The following RNF167 variants were observed in gnomAD, a reference collection of about 807,000 sequenced individuals.
RNF167 encodes the protein E3 ubiquitin-protein ligase RNF167.
In RNF167, 19 loss-of-function variants were observed where a neutral mutation model predicts 34.8. The observed-to-expected ratio is 0.55, with a 90% CI of 0.38 to 0.80. RNF167 has a LOEUF of 0.80. Ranked by LOEUF, RNF167 falls within the 30% of genes least tolerant of loss-of-function variation. RNF167 has a pLI of 0.00. For synonymous variants in RNF167, 200 were observed against 170.4 expected, an observed-to-expected ratio of 1.17 and a Z score of -1.35; for missense variants, 464 against 447.0, an observed-to-expected ratio of 1.04 and a Z score of -0.34.
Position 4,942,395 on chromosome 17 carries a change from C to A in RNF167, c.220C>A (p.Pro74Thr). The A allele has an allele frequency of 6.2e-7, 1 of 1,613,922 alleles. No individual in the cohort carries two copies. The change falls in exon 4 of 10, where the codon CCC (proline) becomes ACC (threonine). Residue 74 changes from proline (P) to threonine (T), a missense_variant. By Grantham distance (38) the Pro-to-Thr change is conservative (BLOSUM62 -1). Coordinates refer to ENST00000262482, the MANE Select transcript of RNF167 (RefSeq NM_015528.3). ...DNACSPIAPPPPAPVNGSVFI... is the reference protein window; with the variant it reads ...DNACSPIAPPTPAPVNGSVFI... Reference sequence around the variant, plus strand: ...TGCCTGCAGCCCCATTGCCCCACCACCCCCAGCCCCGGTCAATGGGTCAGT... The same window carrying A: ...TGCCTGCAGCCCCATTGCCCCACCAACCCCAGCCCCGGTCAATGGGTCAGT...
In RNF167 at chr17:4,940,968, C is replaced by T. The variant is rs1970735391; in HGVS notation, c.59C>T (p.Ala20Val). 2 of 1,612,140 alleles carry T rather than the reference C, an allele frequency of 1.2e-6. No individual in the cohort carries two copies. The highest frequency in any genetic ancestry group is 2.2e-5 in the East Asian group (1 of 44,838). ...GTGGCCGCTGTGCTGTGGGGAGCGG[C>T]CCCGACCCGGGGGCTCATTCGAGCG... ...VVVAAVLWGA[A>V]PTRGLIRATS... is the part of the protein sequence containing the mutation. Residue 20 changes from alanine to valine, a missense_variant, in exon 2 of 10, where the codon GCC (alanine) becomes GTC (valine). By Grantham distance (64) the Ala-to-Val change is moderately conservative (BLOSUM62 0). Transcript: ENST00000262482.
chr17:4,941,571 G>T (rs1014139811), intron 3 of RNF167, among the ~76,000 whole-genome samples: 4 of 152,172 alleles, frequency 2.6e-5, no homozygotes, highest in Non-Finnish European at 4.4e-5. Context: ...AAGTAGATAC[G>T]CAATTTTGGT....
In RNF167 at chr17:4,943,438, ATCCAGCACCGGAAACGGC is replaced by A; in HGVS notation, c.596_613del (p.His199_Gln204del). The A allele has an allele frequency of 6.2e-7, 1 of 1,613,878 alleles. No homozygotes were observed. Among genetic ancestry groups the A allele is most frequent in the Non-Finnish European group, 8.5e-7 (1 of 1,179,924 alleles). ...CCGCTTCCCCCAGATAGCTCGTTGT[ATCCAGCACCGGAAACGGC>A]TCCAGCGGAATCGACTTACCAAAGA... On this transcript the variant is annotated inframe_deletion, in exon 8 of 10. Transcript: ENST00000262482.
chr17:4,942,603 T>C lies in RNF167; in HGVS notation c.318T>C (p.Tyr106=). The C allele has an allele frequency of 6.2e-7, 1 of 1,614,176 alleles. No individual in the cohort carries two copies. Among genetic ancestry groups the C allele is most frequent in the Non-Finnish European group, 8.5e-7 (1 of 1,180,034 alleles). The change falls in exon 5 of 10, where the codon TAT becomes TAC. Residue 106 remains tyrosine, a synonymous_variant. Transcript: ENST00000262482. The stretch of plus-strand genomic sequence containing the variant: ...TCCTAAATGCCCAGAAGGCTGGATA[T>C]GGTGCCGCTGTAGTACACAATGTGA... The part of the protein sequence containing the change: ...LKVLNAQKAG[Y]GAAVVHNVNS...
intron 8 of RNF167, chr17:4,944,242 G>C (rs1223622519): frequency 3.8e-6 from 1 of 260,792 alleles, no homozygotes; most frequent in African/African-American, 2.3e-5. Context: ...CCAAGGGGCT[G>C]GGGCTTTAGG....
intron 8 of RNF167, chr17:4,944,306 C>T (rs911411438): frequency 8.8e-6 from 7 of 793,480 alleles, no homozygotes; most frequent in East Asian, 4.8e-5. Flanking sequence ...TGCCCATTTC[C>T]GTTCCTTCCA....
At position 4,942,639 on chromosome 17, in the gene RNF167, ACTT is replaced by A; in HGVS notation, c.357_359del (p.Leu120del). The A allele has an allele frequency of 6.2e-7, 1 of 1,614,136 alleles. No individual in the cohort carries two copies. The highest frequency in any genetic ancestry group is 8.5e-7 in the Non-Finnish European group (1 of 1,180,042). On this transcript the variant is annotated inframe_deletion, in exon 5 of 10. Coordinates refer to ENST00000262482, the MANE Select transcript of RNF167 (RefSeq NM_015528.3). ...TAGTACACAATGTGAATTCCAATGA[ACTT>A]CTGAACATGGTGTGGAATAGTGGTA... is the stretch of plus-strand genomic sequence containing the variant.
rs750850365 is a variant in RNF167, at chr17:4,944,650, ACTGC to A, written c.751+18_751+21del. The A allele has an allele frequency of 6.2e-7, 1 of 1,614,108 alleles. No homozygotes were observed. Among genetic ancestry groups the A allele is most frequent in the Non-Finnish European group, 8.5e-7 (1 of 1,180,006 alleles). ...CCCCTGTGCTCATGGTGAGGCCCTCACTGCCTGCCCATGCCCCTCTGCCACCAGC... is the reference window on the plus strand; with the variant it reads ...CCCCTGTGCTCATGGTGAGGCCCTCACTGCCCATGCCCCTCTGCCACCAGC... On this transcript the variant is annotated intron_variant, in intron 9 of 9. Coordinates refer to ENST00000262482, the MANE Select transcript of RNF167 (RefSeq NM_015528.3).
At chr17:4,943,114 T>G (rs1970995302) in intron 6 of RNF167, 65 bp from the exon 7 acceptor site, 1 of 1,456,806 alleles carries the variant, frequency 6.9e-7, no homozygotes, top group Non-Finnish European at 9.6e-7. Context: ...AGCCAGTTAC[T>G]TTGTCCCTCT....
In RNF167 at chr17:4,944,622, A is replaced by C. The variant is rs546140310; in HGVS notation, c.735A>C (p.Val245=). 1.9e-6 allele frequency: 3 copies of C among 1,612,882 alleles called. No homozygotes were observed. In the Admixed American group the frequency reaches 5.0e-5, roughly 27 times the overall value. The stretch of plus-strand genomic sequence containing the variant: ...ATGAGGATGGGGACAAGCTGCGGGT[A>C]CTCCCCTGTGCTCATGGTGAGGCCC... ...DEYEDGDKLR[V]LPCAHAYHSR... Residue 245 remains valine (V), a synonymous_variant, in exon 9 of 10, where the codon GTA becomes GTC. Coordinates refer to ENST00000262482, the MANE Select transcript of RNF167 (RefSeq NM_015528.3).
At position 4,943,163 on chromosome 17, in the gene RNF167, G is replaced by A. The variant is rs767183932; in HGVS notation, c.471-16G>A. The A allele has an allele frequency of 6.2e-7, 1 of 1,609,256 alleles. No homozygotes were observed. The highest frequency in any genetic ancestry group is 1.1e-5 in the South Asian group (1 of 90,814). On this transcript the variant is annotated splice_polypyrimidine_tract_variant and intron_variant, in intron 6 of 9. Coordinates refer to ENST00000262482, the MANE Select transcript of RNF167 (RefSeq NM_015528.3). ...TGCCTTTCTCGCCCTGCTGAGACTG[G>A]TCATCCTTTTCCCAGGGCTCGGGTG... is the stretch of plus-strand genomic sequence containing the variant.
intron 3 of RNF167, 90 bp downstream of exon 3, chr17:4,941,247 C>A: frequency 1.6e-6 from 2 of 1,222,102 alleles, no homozygotes; most frequent in Non-Finnish European, 2.3e-6. Flanking sequence ...GATCCTCCAT[C>A]CTAGGCTGGG....
intron 3 of RNF167, among the ~76,000 whole-genome samples, chr17:4,941,822 C>G (rs1191466543): frequency 6.6e-6 from 1 of 152,058 alleles, no homozygotes; most frequent in Non-Finnish European, 1.5e-5. Flanking sequence ...GAGGCTGAGG[C>G]AGGAGAATCA....
At chr17:4,944,531 G>A (rs377072507) in intron 8 of RNF167, 27 bp from the exon 9 acceptor site, 35 of 1,552,934 alleles carry the variant, frequency 2.3e-5, no homozygotes, top group Non-Finnish European at 2.8e-5. Flanking sequence ...CTCAGTGAAG[G>A]ACTAGATTAT....
At position 4,944,657 on chromosome 17, in the gene RNF167, GC is replaced by G. The variant is rs758801198; in HGVS notation, c.751+22del. On this transcript the variant is annotated intron_variant, in intron 9 of 9. Transcript: ENST00000262482. ...GCTCATGGTGAGGCCCTCACTGCCT[GC>G]CCATGCCCCTCTGCCACCAGCAGCC... 2.5e-6 allele frequency: 4 copies of G among 1,614,076 alleles called. No individual in the cohort carries two copies. Among genetic ancestry groups the G allele is most frequent in the South Asian group, 2.2e-5 (2 of 91,080 alleles).
At chr17:4,941,458 T>C (rs1206961425) in intron 3 of RNF167, among the ~76,000 whole-genome samples, 1 of 152,200 alleles carries the variant, frequency 6.6e-6, no homozygotes, top group African/African-American at 2.4e-5. Context: ...CAGGTGCTAG[T>C]TATTGCTTAT....
chr17:4,942,501 G>A (rs200198164), intron 4 of RNF167, 35 bp downstream of exon 4: 2 of 1,612,856 alleles, frequency 1.2e-6, no homozygotes, highest in Non-Finnish European at 1.7e-6. Flanking sequence ...GGGCAGCTGA[G>A]GGTAAAAAAA....
At chr17:4,943,547 TTTCC>T in intron 8 of RNF167, 28 bp downstream of exon 8, 1 of 1,551,780 alleles carries the variant, frequency 6.4e-7, no homozygotes, top group South Asian at 1.1e-5. Context: ...GAAGAGGGCT[TTTCC>T]CACAGTTTAC....
rs1970936861 is a variant in RNF167 at position 4,942,611 on chromosome 17, C to T, written c.326C>T (p.Ala109Val). The change falls in exon 5 of 10, where the codon GCT becomes GTT. Residue 109 changes from alanine (A) to valine (V), a missense_variant. By Grantham distance (64) the Ala-to-Val change is moderately conservative (BLOSUM62 0). Transcript: ENST00000262482. ...LNAQKAGYGA[A>V]VVHNVNSNEL... ...GCCCAGAAGGCTGGATATGGTGCCG[C>T]TGTAGTACACAATGTGAATTCCAAT... 6.2e-7 allele frequency: 1 copy of T among 1,614,152 alleles called. No homozygotes were observed. The highest frequency in any genetic ancestry group is 8.5e-7 in the Non-Finnish European group (1 of 1,180,038).
Sources: allele counts gnomAD v4.1 joint callset (sites outside exome capture counted in the v4.1 genomes callset), GRCh38; gene constraint gnomAD v4.1.1; transcripts MANE v1.5; gene names NCBI Gene and HGNC (gene_info 2026-07-23, HGNC 2026-07-21).